The following ASXL1 variants were observed in gnomAD, a reference collection of about 807,000 sequenced individuals.
ASXL1 encodes ASXL transcriptional regulator 1.
A neutral mutation model predicts 89.1 loss-of-function variants in ASXL1; 65 were observed. The ratio of observed to expected loss-of-function variants is 0.73; its 90% CI spans 0.60 to 0.90. ASXL1 has a LOEUF of 0.90. Ranked by LOEUF, ASXL1 falls within the 40% of genes least tolerant of loss-of-function variation. The pLI is 0.00. For synonymous variants in ASXL1, 739 were observed against 746.9 expected (o/e 0.99, Z 0.17); for missense variants, 1,786 against 1,942.9 (o/e 0.92, Z 1.52).
In ASXL1 at chr20:32,437,313, G is replaced by A. The variant is rs2145397858; in HGVS notation, c.4601G>A (p.Cys1534Tyr). 1 of 1,614,134 alleles carries A rather than the reference G, an allele frequency of 6.2e-7. No homozygotes were observed. Among genetic ancestry groups the A allele is most frequent in the Non-Finnish European group, 8.5e-7 (1 of 1,180,040 alleles). The change falls in exon 13 of 13, where the codon TGT becomes TAT. Residue 1534 changes from cysteine to tyrosine, a missense_variant. Around this residue, in one of 3 missense-constraint regions of ASXL1, gnomAD observed 36 missense variants for 65.5 expected, o/e 0.55. Coordinates refer to ENST00000375687, the MANE Select transcript of ASXL1 (RefSeq NM_015338.6). ...HDDCIGPSKLCVLCLVVR is the reference protein window; with the variant it reads ...HDDCIGPSKLYVLCLVVR ...GACTGTATTGGACCCTCAAAGCTCTGTGTATTGTGCCTTGTGGTGAGATAA... is the reference window on the plus strand; with the variant it reads ...GACTGTATTGGACCCTCAAAGCTCTATGTATTGTGCCTTGTGGTGAGATAA...
chr20:32,359,282 ACCC>A (rs2048068608), intron 1 of ASXL1: 2 of 702,192 alleles, frequency 2.8e-6, no homozygotes, highest in African/African-American at 3.5e-5. Context: ...TGGAAAAGCG[ACCC>A]CACATTCAAG....
intron 4 of ASXL1, among the ~76,000 whole-genome samples, chr20:32,387,084 G>A (rs537386842): frequency 6.6e-6 from 1 of 152,162 alleles, no homozygotes; most frequent in South Asian, 2.1e-4. Flanking sequence ...AGGAACACTT[G>A]AGGTCAGGAG....
rs1454403161 is a variant in ASXL1 at position 32,435,007 on chromosome 20, G to A, written c.2295G>A (p.Leu765=). ...AGCCATGCCAGGCCTTGCCCCTACT[G>A]TCCTCCCAAACCTCAGTAGCTGAGA... ...GDQPCQALPL[L]SSQTSVAERL... is the part of the protein sequence containing the mutation. The change falls in exon 13 of 13, where the codon CTG becomes CTA. Residue 765 remains leucine, a synonymous_variant. Transcript: ENST00000375687. 2 of 1,614,072 alleles carry A rather than the reference G, an allele frequency of 1.2e-6. No individual in the cohort carries two copies. Among genetic ancestry groups the A allele is most frequent in the Admixed American group, 1.7e-5 (1 of 60,006 alleles).
intron 8 of ASXL1, 154 bp downstream of exon 8, chr20:32,430,207 T>A: frequency 9.4e-7 from 1 of 1,058,630 alleles, no homozygotes; most frequent in Non-Finnish European, 1.3e-6. Context: ...GTAATTTGCT[T>A]ATTTCATTTG....
In ASXL1 at chr20:32,437,311, CTG is replaced by C; in HGVS notation, c.4603_4604del (p.Val1535IlefsTer38). The C allele has an allele frequency of 6.2e-7, 1 of 1,614,088 alleles. No individual in the cohort carries two copies. The highest frequency in any genetic ancestry group is 1.3e-5 in the African/African-American group (1 of 75,040). ...HDDCIGPSKLCVLCLVVR is the reference protein window; with the variant it reads ...HDDCIGPSKLXVLCLVVR ...ATGACTGTATTGGACCCTCAAAGCT[CTG>C]TGTATTGTGCCTTGTGGTGAGATAA... is the stretch of plus-strand genomic sequence containing the variant. On this transcript the variant is annotated frameshift_variant, in exon 13 of 13. Transcript: ENST00000375687. LOFTEE classifies it high-confidence loss of function.
intron 3 of ASXL1, 64 bp from the exon 4 acceptor site, chr20:32,368,951 G>GA: frequency 7.3e-7 from 1 of 1,369,048 alleles, no homozygotes; most frequent in Non-Finnish European, 1.0e-6. Flanking sequence ...GAGTTGGAGG[G>GA]ATTAGGTCTT....
In ASXL1 at chr20:32,381,688, A is replaced by G. The variant is rs548676763; in HGVS notation, c.252+12565A>G. On this transcript the variant is annotated intron_variant, in intron 4 of 12. Coordinates refer to ENST00000375687, the MANE Select transcript of ASXL1 (RefSeq NM_015338.6). ...TGCTACCACGCCCGGCTAATTTTTTATATTTTTAGTAGAGACGGGGTTTCA... is the reference window on the plus strand; with the variant it reads ...TGCTACCACGCCCGGCTAATTTTTTGTATTTTTAGTAGAGACGGGGTTTCA... 5.4e-3 allele frequency among the ~76,000 whole-genome samples: 811 copies of G among 150,674 alleles called. 4 individuals are homozygous for G. The highest frequency in any genetic ancestry group is 9.0e-3 in the Non-Finnish European group (608 of 67,628).
chr20:32,430,861 A>G lies in ASXL1; in HGVS notation c.719-460A>G, dbSNP rs1400908171. 9 of 395,394 alleles carry G rather than the reference A, an allele frequency of 2.3e-5. No homozygotes were observed. In the East Asian group the frequency reaches 3.5e-4, roughly 15 times the overall value. 24.5% of individuals were successfully genotyped at this position (395,394 alleles called of 1,614,324 possible). A position where few individuals can be genotyped will look rare whatever the true frequency, so the allele number is the denominator to read the frequency against. ...GGTATTAGCATCTCAGTTGGCTTTG[A>G]ACAGTCCTTAGTACATTTCTGCATG... On this transcript the variant is annotated intron_variant, in intron 8 of 12. Coordinates refer to ENST00000375687, the MANE Select transcript of ASXL1 (RefSeq NM_015338.6).
rs1054325048 is a variant in ASXL1, at chr20:32,439,298, C to G, written c.*1960C>G. Reference sequence around the variant, plus strand: ...CTGTATGTCTCTTGTGGTATTGGAACAATAAACCCGTACAACCTGCAGTTG... The same window carrying G: ...CTGTATGTCTCTTGTGGTATTGGAAGAATAAACCCGTACAACCTGCAGTTG... On this transcript the variant is annotated 3_prime_UTR_variant, in exon 13 of 13. Transcript: ENST00000375687. 1 of 231,474 alleles carries G rather than the reference C, an allele frequency of 4.3e-6. No individual in the cohort carries two copies. Among genetic ancestry groups the G allele is most frequent in the Non-Finnish European group, 8.6e-6 (1 of 116,764 alleles). 14.3% of individuals were successfully genotyped at this position (231,474 alleles called of 1,614,324 possible).
intron 4 of ASXL1, chr20:32,372,231 G>A: frequency 1.5e-6 from 2 of 1,333,772 alleles, no homozygotes; most frequent in Non-Finnish European, 2.0e-6. Context: ...ACCATTGTAT[G>A]AACCTGCTGT....
intron 4 of ASXL1, among the ~76,000 whole-genome samples, chr20:32,391,592 C>T (rs1035031715): frequency 6.6e-5 from 10 of 152,162 alleles, no homozygotes; most frequent in African/African-American, 1.9e-4. Context: ...CAGGCTCAAG[C>T]GATCCTCTCA....
intron 1 of ASXL1, among the ~76,000 whole-genome samples, chr20:32,361,623 A>G (rs2048111885): frequency 7.5e-6 from 1 of 132,690 alleles, no homozygotes; most frequent in South Asian, 2.7e-4. Context: ...TGACAGAGCA[A>G]GACTCGTCTC....
chr20:32,428,541 T>C lies in ASXL1; in HGVS notation c.471+119T>C. 3 of 980,700 alleles carry C rather than the reference T, an allele frequency of 3.1e-6. No individual in the cohort carries two copies. The Admixed American group carries it at 5.7e-5, about 19-fold the overall frequency. The allele number at this position is 980,700 out of a possible 1,614,324, so 60.7% of individuals were successfully genotyped here. A position where few individuals can be genotyped will look rare whatever the true frequency, so the allele number is the denominator to read the frequency against. On this transcript the variant is annotated intron_variant, in intron 6 of 12. Transcript: ENST00000375687. ...CAGAGAGTGAAGAATAGAAGTCTGGTCTCCAGCTGTTAGTAGCATTTAACA... is the reference window on the plus strand; with the variant it reads ...CAGAGAGTGAAGAATAGAAGTCTGGCCTCCAGCTGTTAGTAGCATTTAACA...
At chr20:32,418,066 T>A (rs2049168379) in intron 4 of ASXL1, among the ~76,000 whole-genome samples, 1 of 151,796 alleles carries the variant, frequency 6.6e-6, no homozygotes, top group African/African-American at 2.4e-5. Flanking sequence ...TAACCCCAGC[T>A]ACTTGGGAGG....
At position 32,428,170 on chromosome 20, in the gene ASXL1, G is replaced by A. The variant is rs370869327; in HGVS notation, c.295G>A (p.Gly99Arg). 1.2e-6 allele frequency: 2 copies of A among 1,614,028 alleles called. No individual in the cohort carries two copies. The highest frequency in any genetic ancestry group is 1.7e-6 in the Non-Finnish European group (2 of 1,180,036). ...GTCTCGCCATCCAGCTACAGTGGAG[G>A]GAGAGGAGCCAGAGGACACGGCTGA... is the stretch of plus-strand genomic sequence containing the variant. ...QWSRHPATVEGEEPEDTADVE... is the reference protein window; with the variant it reads ...QWSRHPATVEREEPEDTADVE... Residue 99 changes from glycine (G) to arginine (R), a missense_variant, in exon 5 of 13, where the codon GGA becomes AGA. By Grantham distance (125) the Gly-to-Arg change is moderately radical. This residue lies in a region of ASXL1 where 332 missense variants were observed against 449.7 expected (regional missense o/e 0.74). Transcript: ENST00000375687.
intron 4 of ASXL1, among the ~76,000 whole-genome samples, chr20:32,373,781 T>C (rs1012714422): frequency 7.9e-5 from 12 of 151,778 alleles, no homozygotes; most frequent in Non-Finnish European, 1.3e-4. Context: ...GGCTGGAGAA[T>C]TGCTTGAACC....
intron 4 of ASXL1, among the ~76,000 whole-genome samples, chr20:32,380,752 C>T (rs991235220): frequency 6.6e-6 from 1 of 151,854 alleles, no homozygotes; most frequent in Non-Finnish European, 1.5e-5. Context: ...TCTCAACGAA[C>T]AAAGAAACAA....
At chr20:32,373,153 A>G (rs1325726951) in intron 4 of ASXL1, among the ~76,000 whole-genome samples, 1 of 148,940 alleles carries the variant, frequency 6.7e-6, no homozygotes, top group South Asian at 2.2e-4. Context: ...GAGGTGGGTG[A>G]ATCACTTGAG....
rs569836317 is a variant in ASXL1 at position 32,388,978 on chromosome 20, C to T, written c.252+19855C>T. Among the ~76,000 whole-genome samples, 3 of 152,190 alleles carry T rather than the reference C, an allele frequency of 2.0e-5. No homozygotes were observed. In the South Asian group the frequency reaches 6.2e-4, roughly 32 times the overall value. On this transcript the variant is annotated intron_variant, in intron 4 of 12. Coordinates refer to ENST00000375687, the MANE Select transcript of ASXL1 (RefSeq NM_015338.6). ...GCACGCCCCCACATCCAACCATCGTCAAACAAAACATCTTTTACACTCTAT... is the reference window on the plus strand; with the variant it reads ...GCACGCCCCCACATCCAACCATCGTTAAACAAAACATCTTTTACACTCTAT...
Sources: allele counts gnomAD v4.1 joint callset (sites outside exome capture counted in the v4.1 genomes callset), GRCh38; gene constraint gnomAD v4.1.1; regional missense constraint gnomAD v4.1.1; transcripts MANE v1.5; gene names NCBI Gene and HGNC (gene_info 2026-07-23, HGNC 2026-07-21).